Variants in TENT2 observed in about 807,000 individuals in gnomAD.
The protein encoded by TENT2 is poly(A) RNA polymerase GLD2.
In TENT2, 44 loss-of-function variants were observed where a neutral mutation model predicts 72.2. That is an observed-to-expected ratio of 0.61 (90% CI 0.48 to 0.78). The LOEUF (loss-of-function observed/expected upper bound fraction) is 0.78. Ranked by LOEUF, TENT2 falls within the 30% of genes least tolerant of loss-of-function variation. TENT2 has a pLI of 0.00. For missense variants in TENT2, 541 were observed against 569.6 expected (o/e 0.95, Z 0.51); for synonymous variants, 212 against 192.5 (o/e 1.10, Z -0.84).
At chr5:79,614,148 G>C (rs1644102361) in intron 1 of TENT2, 2 of 127,076 alleles carry the variant, frequency 1.6e-5, no homozygotes, top group Non-Finnish European at 3.1e-5. Flanking sequence ...TTGTCACCCA[G>C]GCTACAGTGC....
At chr5:79,651,780 A>G (rs970705961) in intron 10 of TENT2, among the ~76,000 whole-genome samples, 3 of 152,038 alleles carry the variant, frequency 2.0e-5, no homozygotes, top group Non-Finnish European at 2.9e-5. Flanking sequence ...ATAGGGTGCC[A>G]TTATTTGACT....
intron 10 of TENT2, 128 bp from the exon 11 acceptor site, chr5:79,656,830 A>C (rs1156352486): frequency 1.7e-6 from 1 of 572,674 alleles, no homozygotes. Context: ...ATTTCATGAA[A>C]TATTTGAAAA....
At chr5:79,621,741 G>C (rs1214546456) in intron 3 of TENT2, among the ~76,000 whole-genome samples, 2 of 141,938 alleles carry the variant, frequency 1.4e-5, no homozygotes, top group Admixed American at 1.4e-4. Context: ...CTGGGCAACA[G>C]AGCGAGACTC....
intron 4 of TENT2, among the ~76,000 whole-genome samples, chr5:79,634,403 C>G (rs937065029): frequency 3.3e-5 from 5 of 151,962 alleles, no homozygotes; most frequent in African/African-American, 9.7e-5. Flanking sequence ...GTGGTGTGGT[C>G]TTGACTCACT....
intron 12 of TENT2, among the ~76,000 whole-genome samples, chr5:79,672,380 C>G (rs1174068934): frequency 6.6e-6 from 1 of 151,992 alleles, no homozygotes; most frequent in Non-Finnish European, 1.5e-5. Flanking sequence ...CTATAGTCAC[C>G]CAGTTGTGTT....
intron 11 of TENT2, among the ~76,000 whole-genome samples, chr5:79,664,057 T>C (rs1437885844): frequency 6.6e-6 from 1 of 152,016 alleles, no homozygotes; most frequent in Non-Finnish European, 1.5e-5. Context: ...TTATGTTGTA[T>C]TAGGTATTGT....
chr5:79,669,260 T>C (rs1811005089), intron 12 of TENT2, among the ~76,000 whole-genome samples: 1 of 152,202 alleles, frequency 6.6e-6, no homozygotes. Flanking sequence ...TAAATACATT[T>C]ATAGTTCAGT....
intron 14 of TENT2, among the ~76,000 whole-genome samples, chr5:79,683,313 TCACACACA>T (rs111701863): frequency 2.1e-5 from 3 of 145,736 alleles, no homozygotes; most frequent in East Asian, 2.0e-4. Flanking sequence ...ACGCACATGC[TCACACACA>T]CACACACACA....
At chr5:79,627,677 GT>G (rs1196473638) in intron 4 of TENT2, among the ~76,000 whole-genome samples, 1 of 152,070 alleles carries the variant, frequency 6.6e-6, no homozygotes, top group East Asian at 1.9e-4. Flanking sequence ...TAGAGATGGG[GT>G]TTTACCATGT....
intron 4 of TENT2, among the ~76,000 whole-genome samples, chr5:79,639,041 C>T (rs1185497599): frequency 6.6e-6 from 1 of 152,062 alleles, no homozygotes; most frequent in Non-Finnish European, 1.5e-5. Flanking sequence ...AGGAGCAGGA[C>T]TGAAATACTG....
At chr5:79,652,545 A>G (rs114656873) in intron 10 of TENT2, among the ~76,000 whole-genome samples, 30 of 152,178 alleles carry the variant, frequency 2.0e-4, no homozygotes, top group African/African-American at 6.7e-4. Context: ...CTGGTCTCAA[A>G]TGATTTTTTT....
chr5:79,646,577 T>C (rs1580412502), intron 8 of TENT2, among the ~76,000 whole-genome samples: 2 of 152,192 alleles, frequency 1.3e-5, no homozygotes, highest in African/African-American at 2.4e-5. Flanking sequence ...TAAATACTTA[T>C]TAAATTTCTG....
intron 11 of TENT2, among the ~76,000 whole-genome samples, chr5:79,659,811 A>G (rs1801332992): frequency 6.6e-6 from 1 of 151,598 alleles, no homozygotes; most frequent in African/African-American, 2.4e-5. Flanking sequence ...AGTAGTATTC[A>G]CTAACATTTT....
In TENT2 at chr5:79,650,934, T is replaced by A. The variant is rs149354592; in HGVS notation, c.1027+1744T>A. ...AAAAAGAGCAGTTCAGAGGTGAGAT[T>A]GGTTGTCAGGAATTCTCTATTTTGT... On this transcript the variant is annotated intron_variant, in intron 10 of 14. Coordinates refer to ENST00000453514, the MANE Select transcript of TENT2 (RefSeq NM_001114394.3). Among the ~76,000 whole-genome samples the A allele has an allele frequency of 2.7e-3, 404 of 152,168 alleles. 7 individuals carry two copies. Among genetic ancestry groups the A allele is most frequent in the African/African-American group, 9.4e-3 (391 of 41,552 alleles).
chr5:79,615,109 G>A (rs905465541), intron 1 of TENT2: 7 of 152,184 alleles, frequency 4.6e-5, no homozygotes, highest in African/African-American at 1.7e-4. Flanking sequence ...TGGGAATTTG[G>A]AATATGCTAA....
intron 12 of TENT2, among the ~76,000 whole-genome samples, chr5:79,670,311 T>TTTTATTTA (rs554958818): frequency 2.6e-5 from 4 of 151,782 alleles, no homozygotes; most frequent in African/African-American, 4.8e-5. Context: ...AGGTAAGAGC[T>TTTTATTTA]TTTATTTATT....
chr5:79,664,697 T>C (rs1805938632), intron 11 of TENT2, among the ~76,000 whole-genome samples: 1 of 152,024 alleles, frequency 6.6e-6, no homozygotes, highest in Middle Eastern at 3.2e-3. Flanking sequence ...TTTGAAAACG[T>C]AGAAAAATTA....
intron 10 of TENT2, 43 bp from the exon 11 acceptor site, chr5:79,656,915 A>T: frequency 6.8e-7 from 1 of 1,470,630 alleles, no homozygotes; most frequent in Non-Finnish European, 9.4e-7. Context: ...TTGTAAAATG[A>T]GTCACGTGAA....
At position 79,685,573 on chromosome 5, in the gene TENT2, A is replaced by C; in HGVS notation, c.*300A>C. On this transcript the variant is annotated 3_prime_UTR_variant, in exon 15 of 15. Transcript: ENST00000453514. ...ACTGAACAAATAAAAAGTTTTTGAT[A>C]TAACTTCAATTAATTGTACCACATG... 4.5e-6 allele frequency: 1 copy of C among 220,574 alleles called. No individual in the cohort carries two copies. Among genetic ancestry groups the C allele is most frequent in the Non-Finnish European group, 8.8e-6 (1 of 113,550 alleles). The allele number at this position is 220,574 out of a possible 1,614,324, so 13.7% of individuals were successfully genotyped here.
Sources: gnomAD v4.1 joint callset for allele counts (sites outside exome capture counted in the v4.1 genomes callset) on GRCh38, gnomAD v4.1.1 for gene constraint, MANE v1.5 for transcripts, NCBI Gene and HGNC (gene_info 2026-07-23, HGNC 2026-07-21) for gene names.